Variants in MAP2 observed in about 807,000 individuals in gnomAD.
The protein encoded by MAP2 is microtubule associated protein 2.
Under a neutral mutation model 137.6 loss-of-function variants are expected in MAP2, and 14 were observed. That is an observed-to-expected ratio of 0.10 (90% CI 0.07 to 0.16). The LOEUF is 0.16. Among genes scored for constraint, MAP2 ranks in the 10% least tolerant of loss-of-function variants. The pLI, the probability that MAP2 is intolerant of heterozygous loss-of-function variation, is 1.00. For synonymous variants in MAP2, 786 were observed against 782.3 expected (o/e 1.00, Z -0.08); for missense variants, 2,088 against 2,191.5 (o/e 0.95, Z 0.94).
chr2:209,561,086 T>TGGAGGAA (rs2071951023), intron 2 of MAP2, among the ~76,000 whole-genome samples: 1 of 152,196 alleles, frequency 6.6e-6, no homozygotes, highest in African/African-American at 2.4e-5. Flanking sequence ...GGCATGAGGT[T>TGGAGGAA]GGAGGAAGGA....
chr2:209,575,768 TC>T (rs1198786644), intron 2 of MAP2, among the ~76,000 whole-genome samples: 2 of 152,066 alleles, frequency 1.3e-5, no homozygotes, highest in Non-Finnish European at 2.9e-5. Flanking sequence ...GATACCAGTG[TC>T]CCAAACATGT....
chr2:209,504,113 AGAG>A (rs1174679313), intron 1 of MAP2, among the ~76,000 whole-genome samples: 2 of 148,040 alleles, frequency 1.4e-5, no homozygotes, highest in Admixed American at 6.8e-5. Flanking sequence ...AAAAAAAAAA[AGAG>A]AGAGACTAAG....
intron 6 of MAP2, 43 bp from the exon 7 acceptor site, chr2:209,680,707 G>T (rs762409141): frequency 3.3e-6 from 5 of 1,525,306 alleles, no homozygotes; most frequent in Non-Finnish European, 3.6e-6. Context: ...CAGCCTAAAA[G>T]GATTAATTAT....
At chr2:209,594,325 C>T (rs753781731) in intron 3 of MAP2, among the ~76,000 whole-genome samples, 1 of 151,874 alleles carries the variant, frequency 6.6e-6, no homozygotes, top group Non-Finnish European at 1.5e-5. Flanking sequence ...ATTTTGAAGA[C>T]GAAGGCTTCA....
At chr2:209,662,206 G>A (rs1025439590) in intron 5 of MAP2, among the ~76,000 whole-genome samples, 1 of 152,084 alleles carries the variant, frequency 6.6e-6, no homozygotes, top group Non-Finnish European at 1.5e-5. Context: ...CAATATAATA[G>A]GATATTTAAA....
chr2:209,424,801 A>G (rs1053408883), intron 1 of MAP2, among the ~76,000 whole-genome samples: 1 of 152,122 alleles, frequency 6.6e-6, no homozygotes, highest in African/African-American at 2.4e-5. Context: ...GAGGACTGAT[A>G]TTTATAATTG....
chr2:209,452,836 T>C (rs1221457672), intron 1 of MAP2, among the ~76,000 whole-genome samples: 1 of 152,172 alleles, frequency 6.6e-6, no homozygotes, highest in African/African-American at 2.4e-5. Flanking sequence ...TGCAATCTTA[T>C]AGCATTCTTT....
intron 1 of MAP2, among the ~76,000 whole-genome samples, chr2:209,494,273 G>A (rs1200551321): frequency 6.6e-6 from 1 of 152,006 alleles, no homozygotes; most frequent in East Asian, 1.9e-4. Context: ...ACACACCGGG[G>A]CCTGTTGGGG....
intron 5 of MAP2, among the ~76,000 whole-genome samples, chr2:209,673,795 G>GA (rs1228766425): frequency 6.6e-6 from 1 of 151,572 alleles, no homozygotes; most frequent in Non-Finnish European, 1.5e-5. Context: ...ATGTTTGGAA[G>GA]AAAAAGCAAG....
intron 2 of MAP2, among the ~76,000 whole-genome samples, chr2:209,511,741 T>A (rs2061751023): frequency 6.6e-6 from 1 of 152,046 alleles, no homozygotes; most frequent in African/African-American, 2.4e-5. Context: ...CTGGCTATAT[T>A]TTTTATTTTT....
chr2:209,712,626 T>C (rs2065881434), intron 13 of MAP2, among the ~76,000 whole-genome samples: 1 of 152,148 alleles, frequency 6.6e-6, no homozygotes, highest in Admixed American at 6.5e-5. Context: ...TGGGAAATAA[T>C]AGCGCATTGC....
At chr2:209,612,846 A>G (rs1559408801) in intron 3 of MAP2, among the ~76,000 whole-genome samples, 1 of 152,210 alleles carries the variant, frequency 6.6e-6, no homozygotes, top group Non-Finnish European at 1.5e-5. Flanking sequence ...AGAAAATGCT[A>G]TAACTTCCTT....
At chr2:209,696,453 T>G in intron 8 of MAP2, 89 bp from the exon 9 acceptor site, 1 of 1,485,374 alleles carries the variant, frequency 6.7e-7, no homozygotes, top group Non-Finnish European at 9.1e-7. Context: ...CTTTATTTTG[T>G]ATTTTGTTAA....
intron 11 of MAP2, among the ~76,000 whole-genome samples, 183 bp downstream of exon 11, chr2:209,700,521 G>A (rs570968487): frequency 6.6e-6 from 1 of 152,282 alleles, no homozygotes; most frequent in African/African-American, 2.4e-5. Flanking sequence ...CTGGGATGGC[G>A]TATGATGGTA....
At chr2:209,608,939 A>G (rs2085774691) in intron 3 of MAP2, among the ~76,000 whole-genome samples, 2 of 152,170 alleles carry the variant, frequency 1.3e-5, no homozygotes, top group African/African-American at 4.8e-5. Flanking sequence ...AGCTCATCTT[A>G]AATACCATGC....
chr2:209,513,676 A>C (rs1225595562), intron 2 of MAP2, among the ~76,000 whole-genome samples: 1 of 152,140 alleles, frequency 6.6e-6, no homozygotes, highest in Non-Finnish European at 1.5e-5. Context: ...TTGTTCTTTA[A>C]GATTCTTCCA....
At chr2:209,626,889 G>T (rs987128665) in intron 4 of MAP2, among the ~76,000 whole-genome samples, 1 of 151,956 alleles carries the variant, frequency 6.6e-6, no homozygotes, top group Non-Finnish European at 1.5e-5. Flanking sequence ...ATGTTAAAAT[G>T]GTTTAAGCAT....
intron 13 of MAP2, among the ~76,000 whole-genome samples, chr2:209,724,680 T>C (rs2073138045): frequency 6.6e-6 from 1 of 152,224 alleles, no homozygotes; most frequent in African/African-American, 2.4e-5. Context: ...ACTGTCATTG[T>C]CATTGAAAGT....
chr2:209,615,951 A>G (rs1376310424), intron 3 of MAP2, among the ~76,000 whole-genome samples: 1 of 152,146 alleles, frequency 6.6e-6, no homozygotes, highest in Non-Finnish European at 1.5e-5. Flanking sequence ...GAGTTCATAA[A>G]AGGCCCAGAC....
Sources: gnomAD v4.1 joint callset for allele counts (sites outside exome capture counted in the v4.1 genomes callset) on GRCh38, gnomAD v4.1.1 for gene constraint, MANE v1.5 for transcripts, NCBI Gene and HGNC (gene_info 2026-07-23, HGNC 2026-07-21) for gene names.